The following TAPT1 variants were observed in gnomAD, a reference collection of about 807,000 sequenced individuals.
TAPT1 encodes the protein transmembrane anterior posterior transformation 1, also known as transmembrane anterior posterior transformation protein 1 homolog.
A neutral mutation model predicts 65.6 loss-of-function variants in TAPT1; 28 were observed. The observed-to-expected ratio is 0.43, with a 90% CI of 0.32 to 0.59. The LOEUF (loss-of-function observed/expected upper bound fraction) is 0.59. TAPT1 is among the 20% of genes least tolerant of loss of function. TAPT1 has a pLI of 0.09. For synonymous variants in TAPT1, 278 were observed against 245.2 expected, an observed-to-expected ratio of 1.13 and a Z score of -1.25; for missense variants, 563 against 679.9, an observed-to-expected ratio of 0.83 and a Z score of 1.91.
rs886150915 is a variant in TAPT1, at chr4:16,160,669, C to T, written c.*2639G>A. ...TCATTGCTGATCCCACCACTTAGAA[C>T]AGTTTCTGACACATAGGAAGTGATT... On this transcript the variant is annotated 3_prime_UTR_variant, in exon 14 of 14. Transcript: ENST00000405303. 1 of 152,188 alleles carries T rather than the reference C, an allele frequency of 6.6e-6. No homozygotes were observed. The highest frequency in any genetic ancestry group is 1.5e-5 in the Non-Finnish European group (1 of 68,034). 9.4% of individuals were successfully genotyped at this position (152,188 alleles called of 1,614,324 possible).
At chr4:16,216,650 T>G (rs1750958203) in intron 1 of TAPT1, among the ~76,000 whole-genome samples, 1 of 152,200 alleles carries the variant, frequency 6.6e-6, no homozygotes, top group African/African-American at 2.4e-5. Context: ...CCCTCTCTCT[T>G]CTTACCAAGG....
intron 1 of TAPT1, among the ~76,000 whole-genome samples, chr4:16,221,907 C>A (rs998506862): frequency 6.6e-6 from 1 of 152,154 alleles, no homozygotes; most frequent in Admixed American, 6.5e-5. Context: ...TTCTGCCTTC[C>A]TAAGTCAAAC....
rs757526769 is a variant in TAPT1 at position 16,213,799 on chromosome 4, G to C, written c.299C>G (p.Thr100Ser). 3.1e-6 allele frequency: 5 copies of C among 1,600,552 alleles called. No individual in the cohort carries two copies. In the South Asian group the frequency reaches 5.7e-5, roughly 18 times the overall value. The stretch of plus-strand genomic sequence containing the variant: ...CAATTCTCTTGGTATTCGCAAACAA[G>C]TGTATACTCTTTCTCTTCTTTCTGT... ...KYTERRERVY[T>S]CLRIPRELEK... is the part of the protein sequence containing the mutation. The change falls in exon 2 of 14, where the codon ACT becomes AGT. Residue 100 changes from threonine (T) to serine (S), a missense_variant. Thr to Ser is a moderately conservative substitution (Grantham distance 58, BLOSUM62 1). Transcript: ENST00000405303.
chr4:16,189,061 A>ACTATT (rs1749194741), intron 4 of TAPT1, among the ~76,000 whole-genome samples: 1 of 152,224 alleles, frequency 6.6e-6, no homozygotes, highest in African/African-American at 2.4e-5. Context: ...AATAATGGTA[A>ACTATT]CTATTTTTTT....
At chr4:16,225,304 T>C (rs1325677832) in intron 1 of TAPT1, among the ~76,000 whole-genome samples, 2 of 152,238 alleles carry the variant, frequency 1.3e-5, no homozygotes, top group African/African-American at 2.4e-5. Flanking sequence ...CAATCAATGA[T>C]GTAATCAGCC....
chr4:16,215,844 C>A (rs762286552), intron 1 of TAPT1, among the ~76,000 whole-genome samples: 1 of 152,180 alleles, frequency 6.6e-6, no homozygotes, highest in Non-Finnish European at 1.5e-5. Flanking sequence ...AGAACAAGAT[C>A]TGCTCTTTCA....
chr4:16,172,495 T>A (rs11736424), intron 11 of TAPT1, among the ~76,000 whole-genome samples: 26,047 of 151,240 alleles, frequency 0.17, 2,668 homozygotes, highest in East Asian at 0.3. Flanking sequence ...AATTTTATTA[T>A]TTAGAAGCCT....
chr4:16,227,291 C>A (rs1364366179), upstream of TAPT1: 1 of 455,656 alleles, frequency 2.2e-6, no homozygotes, highest in African/African-American at 2.0e-5. Flanking sequence ...CAGCCCTTGG[C>A]CACCACTGTG....
intron 2 of TAPT1, among the ~76,000 whole-genome samples, chr4:16,205,255 A>G (rs1475058847): frequency 4.6e-5 from 7 of 152,228 alleles, no homozygotes; most frequent in Admixed American, 4.6e-4. Flanking sequence ...ATTTTGCAAT[A>G]TATCTCCTTG....
At position 16,191,520 on chromosome 4, in the gene TAPT1, GTCCCTGAAAC is replaced by G; in HGVS notation, c.450-7_452del. 6.4e-7 allele frequency: 1 copy of G among 1,555,506 alleles called. No homozygotes were observed. Among genetic ancestry groups the G allele is most frequent in the Non-Finnish European group, 8.7e-7 (1 of 1,149,054 alleles). The stretch of plus-strand genomic sequence containing the variant: ...CCTGGGCAGGCTGAAGCAAACGTCT[GTCCCTGAAAC>G]ATACAAGAAGTAATAAAAATATAAT... On this transcript the variant is annotated splice_acceptor_variant and splice_polypyrimidine_tract_variant and coding_sequence_variant and intron_variant, in exon 4 of 14. Coordinates refer to ENST00000405303, the MANE Select transcript of TAPT1 (RefSeq NM_153365.3). LOFTEE classifies it high-confidence loss of function.
Position 16,163,359 on chromosome 4 carries a change from T to C in TAPT1, c.1653A>G (p.Lys551=). ...TGAACCTGTCTATCTCTAACAAATC[T>C]TTCTTTGAGGATCTGTGTTTTAATT... is the stretch of plus-strand genomic sequence containing the variant. ...NSELKHRSSK[K]DLLEIDRFTI... The change falls in exon 14 of 14, where the codon AAA becomes AAG. Residue 551 remains lysine (K), a synonymous_variant. Coordinates refer to ENST00000405303, the MANE Select transcript of TAPT1 (RefSeq NM_153365.3). 1.9e-6 allele frequency: 3 copies of C among 1,614,038 alleles called. No individual in the cohort carries two copies. Among genetic ancestry groups the C allele is most frequent in the Non-Finnish European group, 2.5e-6 (3 of 1,179,892 alleles).
intron 6 of TAPT1, 66 bp downstream of exon 6, chr4:16,186,715 C>A: frequency 7.1e-7 from 1 of 1,407,292 alleles, no homozygotes; most frequent in Non-Finnish European, 9.9e-7. Context: ...AATTTTATCC[C>A]ACCCAGAGTA....
chr4:16,223,453 A>G, intron 1 of TAPT1, among the ~76,000 whole-genome samples: 1 of 152,246 alleles, frequency 6.6e-6, no homozygotes, highest in East Asian at 1.9e-4. Flanking sequence ...TCCAGAGTTC[A>G]AGGCCAGTAA....
At chr4:16,176,319 C>A in intron 8 of TAPT1, 91 bp from the exon 9 acceptor site, 3 of 632,910 alleles carry the variant, frequency 4.7e-6, no homozygotes, top group Non-Finnish European at 7.9e-6. Context: ...ATCTCTAGAA[C>A]AAAACTGTAG....
intron 12 of TAPT1, among the ~76,000 whole-genome samples, chr4:16,170,020 A>G (rs1278517099): frequency 1.3e-5 from 2 of 152,224 alleles, no homozygotes; most frequent in Non-Finnish European, 2.9e-5. Context: ...TTCATTTTTC[A>G]GTAAGTTAAT....
intron 3 of TAPT1, among the ~76,000 whole-genome samples, chr4:16,193,069 T>C (rs187703056): frequency 3.3e-5 from 5 of 152,374 alleles, no homozygotes; most frequent in African/African-American, 1.2e-4. Flanking sequence ...AAACTCATTC[T>C]TGTTTTCTAC....
At chr4:16,213,340 T>C (rs1177926445) in intron 2 of TAPT1, among the ~76,000 whole-genome samples, 1 of 151,926 alleles carries the variant, frequency 6.6e-6, no homozygotes, top group African/African-American at 2.4e-5. Context: ...TTGAAGAGAC[T>C]GTCCTGTATG....
Position 16,186,767 on chromosome 4 carries a change from A to G in TAPT1, c.846+14T>C. On this transcript the variant is annotated intron_variant, in intron 6 of 13. Coordinates refer to ENST00000405303, the MANE Select transcript of TAPT1 (RefSeq NM_153365.3). ...TGTATAACTTCAAAAATGTAAGATA[A>G]ATCTCATACTTACATTATTAGACAT... 1 of 1,547,590 alleles carries G rather than the reference A, an allele frequency of 6.5e-7. No homozygotes were observed. The highest frequency in any genetic ancestry group is 8.9e-7 in the Non-Finnish European group (1 of 1,122,564).
chr4:16,180,196 C>T (rs902109082), intron 7 of TAPT1, among the ~76,000 whole-genome samples: 1 of 152,026 alleles, frequency 6.6e-6, no homozygotes, highest in African/African-American at 2.4e-5. Context: ...GTAAAATAAC[C>T]CCAAATTGGG....
Sources: gnomAD v4.1 joint callset for allele counts (sites outside exome capture counted in the v4.1 genomes callset) on GRCh38, gnomAD v4.1.1 for gene constraint, MANE v1.5 for transcripts, NCBI Gene and HGNC (gene_info 2026-07-23, HGNC 2026-07-21) for gene names.